Variants in DIAPH2 observed in about 807,000 individuals in gnomAD.
DIAPH2 encodes the protein diaphanous related formin 2, also known as protein diaphanous homolog 2.
Under a neutral mutation model 92.7 loss-of-function variants are expected in DIAPH2, and 35 were observed. The observed-to-expected ratio is 0.38, with a 90% CI of 0.29 to 0.50. The LOEUF (loss-of-function observed/expected upper bound fraction) is 0.50. Ranked by LOEUF, DIAPH2 falls within the 20% of genes least tolerant of loss-of-function variation. The probability of loss-of-function intolerance (pLI) is 0.94; values close to 1 mark genes in which losing one functional copy is unlikely to be tolerated. For missense variants in DIAPH2, 701 were observed against 819.5 expected (o/e 0.86, Z 1.77); for synonymous variants, 301 against 280.4 (o/e 1.07, Z -0.73).
intron 20 of DIAPH2, among the ~76,000 whole-genome samples, chrX:97,109,184 C>A (rs903153777): frequency 9.0e-6 from 1 of 111,141 alleles, no homozygotes; most frequent in Non-Finnish European, 1.9e-5. Context: ...TTTGGAAGGC[C>A]CAGGTGGGCA....
chrX:96,792,865 A>T lies in DIAPH2; in HGVS notation c.447+34607A>T, dbSNP rs754923405. Reference sequence around the variant, plus strand: ...TGTTCATTTTGATGTTAATTTATTTAAATTTTAGATATTTTAAAATAAGTT... The same window carrying T: ...TGTTCATTTTGATGTTAATTTATTTTAATTTTAGATATTTTAAAATAAGTT... On this transcript the variant is annotated intron_variant, in intron 4 of 26. Coordinates refer to ENST00000324765, the MANE Select transcript of DIAPH2 (RefSeq NM_006729.5). Among the ~76,000 whole-genome samples, 7 of 112,182 alleles carry T rather than the reference A, an allele frequency of 6.2e-5. No individual in the cohort carries two copies. The East Asian group carries it at 2.0e-3, about 31-fold the overall frequency.
At chrX:97,083,776 A>T (rs1047067783) in intron 19 of DIAPH2, among the ~76,000 whole-genome samples, 1 of 112,391 alleles carries the variant, frequency 8.9e-6, no homozygotes, top group Non-Finnish European at 1.9e-5. Context: ...CGTGTTTATT[A>T]TAAACTTCGT....
intron 1 of DIAPH2, among the ~76,000 whole-genome samples, chrX:96,704,202 T>TA (rs1296997807): frequency 1.8e-5 from 2 of 112,207 alleles, no homozygotes; most frequent in East Asian, 5.6e-4. Flanking sequence ...TTTAAAAAGA[T>TA]ATAGGTCTTT....
In DIAPH2 at chrX:97,185,313, A is replaced by ATATATATATGTGTATATATATATATG. The variant is rs1172220105; in HGVS notation, c.2719+43528_2719+43529insGTGTATATATATATATGTATATATAT. ...CTGTCTCAAAAAAAAAAAAATATAT[A>ATATATATATGTGTATATATATATATG]TATATATATATGTGTATATATATAT... On this transcript the variant is annotated intron_variant, in intron 22 of 26. Coordinates refer to ENST00000324765, the MANE Select transcript of DIAPH2 (RefSeq NM_006729.5). Among the ~76,000 whole-genome samples, 95 of 31,268 alleles carry ATATATATATGTGTATATATATATATG rather than the reference A, an allele frequency of 3.0e-3. 32 individuals carry two copies. Among genetic ancestry groups the ATATATATATGTGTATATATATATATG allele is most frequent in the Admixed American group, 6.7e-3 (14 of 2,097 alleles). 27.2% of individuals were successfully genotyped at this position (31,268 alleles called of 115,157 possible). A position where few individuals can be genotyped will look rare whatever the true frequency, so the allele number is the denominator to read the frequency against.
At chrX:97,586,632 C>T (rs889769608) in intron 26 of DIAPH2, among the ~76,000 whole-genome samples, 1 of 111,658 alleles carries the variant, frequency 9.0e-6, no homozygotes, top group African/African-American at 3.3e-5. Context: ...TCTTCCTTTC[C>T]TCACAGCATC....
At chrX:97,456,302 G>C (rs1432630878) in intron 26 of DIAPH2, among the ~76,000 whole-genome samples, 1 of 110,452 alleles carries the variant, frequency 9.1e-6, no homozygotes, top group Non-Finnish European at 1.9e-5. Flanking sequence ...CAGGAGAGTG[G>C]CGTGAACCTG....
At chrX:96,912,455 A>G (rs1483149341) in intron 6 of DIAPH2, 28 bp from the exon 7 acceptor site, 8 of 1,197,519 alleles carry the variant, frequency 6.7e-6, no homozygotes, top group Non-Finnish European at 9.0e-6. Flanking sequence ...TTTCAGCACA[A>G]CATAATATAC....
At chrX:96,736,142 A>G (rs1031658401) in intron 2 of DIAPH2, among the ~76,000 whole-genome samples, 1 of 111,645 alleles carries the variant, frequency 9.0e-6, no homozygotes, top group African/African-American at 3.3e-5. Flanking sequence ...TTCCATTAGA[A>G]AGGAAATTAA....
At chrX:97,323,615 G>C (rs1398016795) in intron 23 of DIAPH2, among the ~76,000 whole-genome samples, 2 of 55,662 alleles carry the variant, frequency 3.6e-5, no homozygotes, top group African/African-American at 1.4e-4. Flanking sequence ...AAAAAAAAAA[G>C]CTCAGGGACC....
intron 23 of DIAPH2, among the ~76,000 whole-genome samples, chrX:97,319,998 A>G (rs1313529722): frequency 9.4e-6 from 1 of 106,275 alleles, no homozygotes; most frequent in East Asian, 3.0e-4. Flanking sequence ...TACTTGGGAG[A>G]CTGAGGCAGG....
intron 17 of DIAPH2, among the ~76,000 whole-genome samples, chrX:96,967,151 A>G (rs2147827174): frequency 9.0e-6 from 1 of 111,445 alleles, no homozygotes; most frequent in South Asian, 3.8e-4. Context: ...GGTAGCAATG[A>G]GCATAGTACT....
chrX:97,391,367 T>A (rs751471654), intron 25 of DIAPH2, among the ~76,000 whole-genome samples: 1 of 111,598 alleles, frequency 9.0e-6, no homozygotes, highest in Non-Finnish European at 1.9e-5. Context: ...AGAAAGTGAT[T>A]TATATAACTT....
intron 20 of DIAPH2, among the ~76,000 whole-genome samples, chrX:97,113,625 A>G (rs183066350): frequency 1.5e-4 from 17 of 112,113 alleles, no homozygotes; most frequent in Non-Finnish European, 3.2e-4. Context: ...ATAATGGGCT[A>G]TGTCTTGATT....
intron 5 of DIAPH2, among the ~76,000 whole-genome samples, chrX:96,888,650 T>C (rs1569421281): frequency 2.6e-4 from 26 of 99,771 alleles, no homozygotes; most frequent in African/African-American, 8.6e-4. Flanking sequence ...TCTATATATA[T>C]ATTACCATGT....
chrX:97,047,793 CAAA>C (rs1233212566), intron 17 of DIAPH2, among the ~76,000 whole-genome samples: 1 of 108,653 alleles, frequency 9.2e-6, no homozygotes, highest in African/African-American at 3.3e-5. Context: ...ATGATTCTAA[CAAA>C]AAGAAATTTG....
At chrX:96,913,436 T>A (rs1309141526) in intron 7 of DIAPH2, among the ~76,000 whole-genome samples, 4 of 111,994 alleles carry the variant, frequency 3.6e-5, no homozygotes, top group Non-Finnish European at 7.5e-5. Context: ...CTTATAATAT[T>A]TAAGTAATAC....
intron 24 of DIAPH2, among the ~76,000 whole-genome samples, chrX:97,380,667 G>T (rs1462202401): frequency 9.8e-6 from 1 of 102,397 alleles, no homozygotes; most frequent in Non-Finnish European, 2.0e-5. Flanking sequence ...CTGTCTTTAA[G>T]ATTTCCCTTT....
chrX:96,910,187 G>T (rs1184652354), intron 5 of DIAPH2, among the ~76,000 whole-genome samples: 1 of 110,749 alleles, frequency 9.0e-6, no homozygotes, highest in African/African-American at 3.3e-5. Flanking sequence ...TAAAGCTGAT[G>T]TCCCTTTATC....
At chrX:97,035,857 A>G (rs2066407049) in intron 17 of DIAPH2, among the ~76,000 whole-genome samples, 1 of 110,092 alleles carries the variant, frequency 9.1e-6, no homozygotes, top group Admixed American at 9.7e-5. Flanking sequence ...AGAAATAAAA[A>G]AATTAGCTGA....
Sources: gnomAD v4.1 joint callset for allele counts (sites outside exome capture counted in the v4.1 genomes callset) on GRCh38, gnomAD v4.1.1 for gene constraint, MANE v1.5 for transcripts, NCBI Gene and HGNC (gene_info 2026-07-23, HGNC 2026-07-21) for gene names.